The following PEAK1 variants were observed in gnomAD, a reference collection of about 807,000 sequenced individuals.
The protein encoded by PEAK1 is inactive tyrosine-protein kinase PEAK1.
A neutral mutation model predicts 124.7 loss-of-function variants in PEAK1; 54 were observed. The observed-to-expected ratio is 0.43, with a 90% CI of 0.35 to 0.54. The LOEUF is 0.54. Among genes scored for constraint, PEAK1 ranks in the 20% least tolerant of loss-of-function variants. The pLI, the probability that PEAK1 is intolerant of heterozygous loss-of-function variation, is 0.01. For missense variants in PEAK1, 2,046 were observed against 2,134.5 expected (o/e 0.96, Z 0.82); for synonymous variants, 719 against 760.0 (o/e 0.95, Z 0.89).
chr15:77,415,111 T>C (rs2072763340), intron 1 of PEAK1, among the ~76,000 whole-genome samples: 1 of 152,226 alleles, frequency 6.6e-6, no homozygotes, highest in Non-Finnish European at 1.5e-5. Flanking sequence ...TTTCTTCAGA[T>C]AGTCTGATCA....
chr15:77,381,415 G>A (rs2069470081), intron 1 of PEAK1: 1 of 902,182 alleles, frequency 1.1e-6, no homozygotes, highest in African/African-American at 1.8e-5. Context: ...AACATAGTGA[G>A]ACCCTGTCTC....
At chr15:77,115,953 T>C (rs956169689) in intron 9 of PEAK1, among the ~76,000 whole-genome samples, 5 of 152,220 alleles carry the variant, frequency 3.3e-5, no homozygotes, top group African/African-American at 1.2e-4. Flanking sequence ...TGGTCTGACC[T>C]AGTCAGAACA....
chr15:77,114,754 G>A lies in PEAK1; in HGVS notation c.4643C>T (p.Pro1548Leu). Residue 1548 changes from proline to leucine, a missense_variant, in exon 10 of 10, where the codon CCC becomes CTC. Coordinates refer to ENST00000682557, the MANE Select transcript of PEAK1 (RefSeq NM_001385026.1). Reference sequence around the variant, plus strand: ...GAAGTTGCTCACTATAAGCCTAGTGGGATAAGATGAGGTGGGGCTGGGCTC... The same window carrying A: ...GAAGTTGCTCACTATAAGCCTAGTGAGATAAGATGAGGTGGGGCTGGGCTC... ...PAEPSPTSSY[P>L]TRLIVSNFSQ... 1 of 1,613,210 alleles carries A rather than the reference G, an allele frequency of 6.2e-7. No individual in the cohort carries two copies. The highest frequency in any genetic ancestry group is 1.3e-5 in the African/African-American group (1 of 74,948).
At chr15:77,188,456 T>G (rs1027647838) in intron 6 of PEAK1, among the ~76,000 whole-genome samples, 1 of 152,198 alleles carries the variant, frequency 6.6e-6, no homozygotes, top group African/African-American at 2.4e-5. Flanking sequence ...TATTATAAAC[T>G]TGGTAATAAC....
intron 2 of PEAK1, among the ~76,000 whole-genome samples, chr15:77,321,092 C>T (rs1267921439): frequency 6.6e-6 from 1 of 152,182 alleles, no homozygotes; most frequent in Non-Finnish European, 1.5e-5. Flanking sequence ...CAAGTCTTTG[C>T]TATTGTGAAC....
intron 1 of PEAK1, among the ~76,000 whole-genome samples, chr15:77,390,775 G>A (rs2141914549): frequency 6.6e-6 from 1 of 152,262 alleles, no homozygotes; most frequent in East Asian, 1.9e-4. Context: ...GTAATTTGCT[G>A]AAGATCACAA....
At position 77,333,298 on chromosome 15, in the gene PEAK1, T is replaced by G. The variant is rs1369930430; in HGVS notation, c.-603+31865A>C. 3 of 966,764 alleles carry G rather than the reference T, an allele frequency of 3.1e-6. No homozygotes were observed. The African/African-American group carries it at 5.3e-5, about 17-fold the overall frequency. 59.9% of individuals were successfully genotyped at this position (966,764 alleles called of 1,614,324 possible). On this transcript the variant is annotated intron_variant, in intron 2 of 9. Transcript: ENST00000682557. ...CTGTGCCGGATTCAATCACTTTTTG[T>G]GTGTTATTATTTGTTTAATTTTGCA...
intron 6 of PEAK1, among the ~76,000 whole-genome samples, chr15:77,214,518 G>A (rs1477748750): frequency 6.6e-6 from 1 of 151,594 alleles, no homozygotes; most frequent in African/African-American, 2.4e-5. Context: ...CAGCTACTCG[G>A]GAGGCTGAGG....
intron 5 of PEAK1, among the ~76,000 whole-genome samples, chr15:77,277,438 T>G (rs2062393386): frequency 6.6e-6 from 1 of 152,170 alleles, no homozygotes; most frequent in South Asian, 2.1e-4. Flanking sequence ...CAAAGAACGA[T>G]ATACTACTCA....
chr15:77,327,504 C>G (rs574745038), intron 2 of PEAK1, among the ~76,000 whole-genome samples: 5 of 151,948 alleles, frequency 3.3e-5, no homozygotes, highest in African/African-American at 1.2e-4. Flanking sequence ...CAGATAACTA[C>G]GAAACAAGTT....
Position 77,114,087 on chromosome 15 carries a change from T to G in PEAK1, c.*69A>C. 3 of 1,505,910 alleles carry G rather than the reference T, an allele frequency of 2.0e-6. No homozygotes were observed. Among genetic ancestry groups the G allele is most frequent in the Non-Finnish European group, 2.7e-6 (3 of 1,095,720 alleles). The allele number at this position is 1,505,910 out of a possible 1,614,324, so 93.3% of individuals were successfully genotyped here. ...CTTTCCTTGAATTTGGAGTGAGCAC[T>G]AGGGAGGGGAAGTGCATGGGTGACA... is the stretch of plus-strand genomic sequence containing the variant. On this transcript the variant is annotated 3_prime_UTR_variant, in exon 10 of 10. Transcript: ENST00000682557.
intron 2 of PEAK1, among the ~76,000 whole-genome samples, chr15:77,294,302 TCTG>T (rs1297500305): frequency 6.6e-6 from 1 of 152,134 alleles, no homozygotes; most frequent in Non-Finnish European, 1.5e-5. Context: ...ACAGAAGAAC[TCTG>T]CTTTTATAAT....
At chr15:77,158,318 A>G in intron 8 of PEAK1, 185 bp downstream of exon 8, 1 of 592,264 alleles carries the variant, frequency 1.7e-6, no homozygotes, top group Non-Finnish European at 3.0e-6. Context: ...TCATGGGTGC[A>G]GGTGTTTAAT....
At chr15:77,348,051 G>C (rs569661265) in intron 2 of PEAK1, 1 of 985,142 alleles carries the variant, frequency 1.0e-6, no homozygotes, top group Non-Finnish European at 1.2e-6. Context: ...TCAAATATAT[G>C]CACTTTTCTA....
chr15:77,255,244 C>A, intron 5 of PEAK1: 1 of 542,980 alleles, frequency 1.8e-6, no homozygotes, highest in Non-Finnish European at 2.3e-6. Flanking sequence ...TGATTTTAAA[C>A]CTATTAATTA....
At position 77,324,920 on chromosome 15, in the gene PEAK1, CAT is replaced by C. The variant is rs536853806; in HGVS notation, c.-602-38418_-602-38417del. Among the ~76,000 whole-genome samples, 354 of 152,202 alleles carry C rather than the reference CAT, an allele frequency of 2.3e-3. 2 individuals are homozygous for C. Among genetic ancestry groups the C allele is most frequent in the African/African-American group, 8.1e-3 (337 of 41,512 alleles). ...TTTGGATGGGGACACAGATTCAAACCATAACAAACAACTTCTAATATCAGACC... is the reference window on the plus strand; with the variant it reads ...TTTGGATGGGGACACAGATTCAAACCAACAAACAACTTCTAATATCAGACC... On this transcript the variant is annotated intron_variant, in intron 2 of 9. Transcript: ENST00000682557.
At chr15:77,295,430 G>A (rs980531475) in intron 2 of PEAK1, among the ~76,000 whole-genome samples, 1 of 152,138 alleles carries the variant, frequency 6.6e-6, no homozygotes, top group African/African-American at 2.4e-5. Flanking sequence ...GACTACGGAT[G>A]CTTTGAAGAA....
chr15:77,264,341 T>C (rs953262293), intron 5 of PEAK1, among the ~76,000 whole-genome samples: 1 of 152,158 alleles, frequency 6.6e-6, no homozygotes, highest in African/African-American at 2.4e-5. Flanking sequence ...GACATGATTG[T>C]ATATCTAGAA....
chr15:77,407,962 T>C (rs62007276), intron 1 of PEAK1, among the ~76,000 whole-genome samples: 23 of 80,226 alleles, frequency 2.9e-4, no homozygotes, highest in Non-Finnish European at 5.1e-4. Context: ...CACACATATA[T>C]ACACATATAT....
Sources: allele counts gnomAD v4.1 joint callset (sites outside exome capture counted in the v4.1 genomes callset), GRCh38; gene constraint gnomAD v4.1.1; transcripts MANE v1.5; gene names NCBI Gene and HGNC (gene_info 2026-07-23, HGNC 2026-07-21).